The following CHD9 variants were observed in gnomAD, a reference collection of about 807,000 sequenced individuals.
CHD9 encodes ATP-dependent chromatin remodeler CHD9.
In CHD9, 77 loss-of-function variants were observed where a neutral mutation model predicts 316.1. The observed-to-expected ratio is 0.24, with a 90% CI of 0.20 to 0.29. The LOEUF is 0.29. CHD9 is among the 10% of genes least tolerant of loss of function. CHD9 has a pLI of 1.00. For synonymous variants in CHD9, 1,129 were observed against 1,158.3 expected (o/e 0.97, Z 0.51); for missense variants, 2,763 against 3,438.1 (o/e 0.80, Z 4.91).
rs2057574506 is a variant in CHD9 at position 53,327,226 on chromosome 16, GTA to G, written c.*2333_*2334del. ...AAGTTGCAGTTGAAAGAATATCCAA[GTA>G]TGTGTTGGTAGTTACTAAAAGAATT... On this transcript the variant is annotated 3_prime_UTR_variant, in exon 39 of 39. Coordinates refer to ENST00000447540, the MANE Select transcript of CHD9 (RefSeq NM_001308319.2). 1 of 152,466 alleles carries G rather than the reference GTA, an allele frequency of 6.6e-6. No individual in the cohort carries two copies. 9.4% of individuals were successfully genotyped at this position (152,466 alleles called of 1,614,324 possible). A position where few individuals can be genotyped will look rare whatever the true frequency, so the allele number is the denominator to read the frequency against.
chr16:53,056,922 A>C (rs113973556), intron 1 of CHD9, among the ~76,000 whole-genome samples: 2,158 of 152,172 alleles, frequency 0.014, 56 homozygotes, highest in African/African-American at 0.05. Flanking sequence ...CTGAGGCAGG[A>C]GGATCGCTTG....
intron 32 of CHD9, 73 bp from the exon 33 acceptor site, chr16:53,307,606 ACT>A (rs2056101896): frequency 1.5e-6 from 2 of 1,334,656 alleles, no homozygotes; most frequent in Admixed American, 2.5e-5. Context: ...AAATCCATAG[ACT>A]CTTGAGCTAT....
At chr16:53,153,029 G>A (rs2041240126) in intron 1 of CHD9, among the ~76,000 whole-genome samples, 1 of 152,140 alleles carries the variant, frequency 6.6e-6, no homozygotes, top group African/African-American at 2.4e-5. Context: ...TTTCAAGGAG[G>A]ATTCCATGAT....
chr16:53,103,234 T>C (rs901491135), intron 1 of CHD9, among the ~76,000 whole-genome samples: 1 of 151,174 alleles, frequency 6.6e-6, no homozygotes, highest in African/African-American at 2.4e-5. Flanking sequence ...GGTTTCATCA[T>C]GTTGCCCAGG....
intron 1 of CHD9, among the ~76,000 whole-genome samples, chr16:53,066,861 T>G (rs2033572113): frequency 6.6e-6 from 1 of 152,194 alleles, no homozygotes; most frequent in African/African-American, 2.4e-5. Flanking sequence ...TTATATATTT[T>G]TGGTACAATT....
chr16:53,117,831 C>CTTT (rs11436680), intron 1 of CHD9, among the ~76,000 whole-genome samples: 1 of 145,858 alleles, frequency 6.9e-6, no homozygotes, highest in Non-Finnish European at 1.5e-5. Flanking sequence ...AAATATTTCT[C>CTTT]TTTTTTTTTT....
At position 53,209,594 on chromosome 16, in the gene CHD9, A is replaced by G. The variant is rs2046166938; in HGVS notation, c.1565A>G (p.Lys522Arg). Residue 522 changes from lysine to arginine, a missense_variant, in exon 3 of 39, where the codon AAG becomes AGG. Coordinates refer to ENST00000447540, the MANE Select transcript of CHD9 (RefSeq NM_001308319.2). ...KQRKKVESES[K>R]QEKANRIISE... ...AGAAAAAAGGTGGAATCAGAAAGCA[A>G]GCAAGAAAAGGCTAATCGTATAATA... is the stretch of plus-strand genomic sequence containing the variant. 1.7e-5 allele frequency: 27 copies of G among 1,613,838 alleles called. No homozygotes were observed. The highest frequency in any genetic ancestry group is 2.2e-5 in the Non-Finnish European group (26 of 1,179,848).
intron 17 of CHD9, chr16:53,250,682 A>G (rs1450586686): frequency 6.6e-6 from 1 of 152,342 alleles, no homozygotes; most frequent in East Asian, 1.9e-4. Flanking sequence ...CTTGGACTAC[A>G]TAGAAATATA....
chr16:53,303,280 C>T (rs1386185076), intron 30 of CHD9, among the ~76,000 whole-genome samples: 2 of 151,430 alleles, frequency 1.3e-5, no homozygotes, highest in African/African-American at 4.9e-5. Flanking sequence ...TACAATGCAG[C>T]CCAGGGAAGC....
In CHD9 at chr16:53,140,223, G is replaced by A. The variant is rs372210171; in HGVS notation, c.-164-15703G>A. 7.2e-5 allele frequency among the ~76,000 whole-genome samples: 11 copies of A among 152,060 alleles called. No individual in the cohort carries two copies. The South Asian group carries it at 1.7e-3, about 23-fold the overall frequency. On this transcript the variant is annotated intron_variant, in intron 1 of 38. Coordinates refer to ENST00000447540, the MANE Select transcript of CHD9 (RefSeq NM_001308319.2). Reference sequence around the variant, plus strand: ...TATAATCCAGGTACTTTGGGAGGCCGAGGTGGGTGGATCACTTGAGGCCAG... The same window carrying A: ...TATAATCCAGGTACTTTGGGAGGCCAAGGTGGGTGGATCACTTGAGGCCAG...
At chr16:53,246,433 G>A (rs1025240612) in intron 15 of CHD9, among the ~76,000 whole-genome samples, 17 of 152,312 alleles carry the variant, frequency 1.1e-4, no homozygotes, top group African/African-American at 3.6e-4. Flanking sequence ...TCCGAAGGAA[G>A]TATGCATCAA....
At chr16:53,072,219 C>G (rs2034127532) in intron 1 of CHD9, among the ~76,000 whole-genome samples, 1 of 152,110 alleles carries the variant, frequency 6.6e-6, no homozygotes, top group Non-Finnish European at 1.5e-5. Context: ...TTGTTCCCCT[C>G]CAGCTGCTGC....
intron 2 of CHD9, among the ~76,000 whole-genome samples, chr16:53,206,074 T>A (rs2045872536): frequency 1.3e-5 from 2 of 152,242 alleles, no homozygotes; most frequent in South Asian, 4.1e-4. Flanking sequence ...TGCCTCAGCC[T>A]CCTAAGTAGC....
chr16:53,286,984 G>T (rs1234136539), intron 26 of CHD9, among the ~76,000 whole-genome samples: 1 of 152,002 alleles, frequency 6.6e-6, no homozygotes, highest in African/African-American at 2.4e-5. Flanking sequence ...TCTTGAGACA[G>T]GGTCTTGCTC....
intron 2 of CHD9, among the ~76,000 whole-genome samples, chr16:53,184,587 C>T (rs760940968): frequency 7.9e-5 from 12 of 152,166 alleles, no homozygotes; most frequent in African/African-American, 2.9e-4. Flanking sequence ...TCAAGTGATC[C>T]TCCCACCTCA....
chr16:53,303,182 G>GTT (rs375440655), intron 30 of CHD9, among the ~76,000 whole-genome samples: 5,019 of 133,788 alleles, frequency 0.038, 289 homozygotes, highest in African/African-American at 0.12. Flanking sequence ...AATATTATGA[G>GTT]TTTTTTTTTT....
chr16:53,294,435 A>C (rs764934302), intron 29 of CHD9, among the ~76,000 whole-genome samples: 23 of 152,228 alleles, frequency 1.5e-4, no homozygotes, highest in Non-Finnish European at 2.4e-4. Context: ...CCAAAACACA[A>C]TGCTTTAAAA....
rs1221007181 is a variant in CHD9, at chr16:53,209,507, G to C, written c.1478G>C (p.Gly493Ala). 1.2e-6 allele frequency: 2 copies of C among 1,613,040 alleles called. No homozygotes were observed. Among genetic ancestry groups the C allele is most frequent in the South Asian group, 2.2e-5 (2 of 90,964 alleles). ...RQPPSSKKSD[G>A]SGTYTKLQNT... ...CCTCCATCTTCCAAGAAGAGCGATG[G>C]TTCTGGGACATATACTAAGTTGCAG... Residue 493 changes from glycine to alanine, a missense_variant, in exon 3 of 39, where the codon GGT becomes GCT. Physicochemically the swap from Gly to Ala is moderately conservative, Grantham distance 60. Coordinates refer to ENST00000447540, the MANE Select transcript of CHD9 (RefSeq NM_001308319.2).
intron 19 of CHD9, among the ~76,000 whole-genome samples, chr16:53,261,156 G>A (rs2051060029): frequency 6.8e-6 from 1 of 146,764 alleles, no homozygotes; most frequent in African/African-American, 2.5e-5. Flanking sequence ...TGTCATTTCT[G>A]TTTAATAAAT....
Sources: allele counts gnomAD v4.1 joint callset (sites outside exome capture counted in the v4.1 genomes callset), GRCh38; gene constraint gnomAD v4.1.1; transcripts MANE v1.5; gene names NCBI Gene and HGNC (gene_info 2026-07-23, HGNC 2026-07-21).